The following ADCY8 variants were observed in gnomAD, a reference collection of about 807,000 sequenced individuals.
ADCY8 encodes the protein adenylate cyclase type 8.
A neutral mutation model predicts 119.7 loss-of-function variants in ADCY8; 51 were observed. The observed-to-expected ratio is 0.43, with a 90% CI of 0.34 to 0.54. The LOEUF is 0.54. Ranked by LOEUF, ADCY8 falls within the 20% of genes least tolerant of loss-of-function variation. The pLI is 0.03. For synonymous variants in ADCY8, 665 were observed against 651.0 expected, an observed-to-expected ratio of 1.02 and a Z score of -0.33; for missense variants, 1,383 against 1,598.8, an observed-to-expected ratio of 0.87 and a Z score of 2.30.
intron 15 of ADCY8, among the ~76,000 whole-genome samples, chr8:130,794,220 A>G (rs1586419072): frequency 6.6e-6 from 1 of 152,228 alleles, no homozygotes; most frequent in East Asian, 1.9e-4. Flanking sequence ...GAATTGTGAA[A>G]GAATGCATTC....
chr8:130,825,585 C>A (rs1816645619), intron 12 of ADCY8, among the ~76,000 whole-genome samples: 1 of 152,140 alleles, frequency 6.6e-6, no homozygotes, highest in African/African-American at 2.4e-5. Flanking sequence ...CCATCATAAA[C>A]CTGGAAAAGT....
intron 15 of ADCY8, among the ~76,000 whole-genome samples, chr8:130,786,366 G>A (rs1815248835): frequency 1.3e-5 from 2 of 152,184 alleles, no homozygotes; most frequent in South Asian, 4.1e-4. Flanking sequence ...AAACCTTGGT[G>A]TCTTATTTAG....
chr8:131,008,012 A>G (rs1337189973), intron 1 of ADCY8, among the ~76,000 whole-genome samples: 5 of 152,190 alleles, frequency 3.3e-5, no homozygotes, highest in Non-Finnish European at 5.9e-5. Context: ...TGCTACTATT[A>G]TTATTAGGGT....
intron 6 of ADCY8, among the ~76,000 whole-genome samples, chr8:130,906,625 T>C (rs1482986623): frequency 1.3e-5 from 2 of 152,078 alleles, no homozygotes; most frequent in Non-Finnish European, 2.9e-5. Flanking sequence ...CATTTGCAGA[T>C]GAGATTCTGA....
intron 6 of ADCY8, among the ~76,000 whole-genome samples, chr8:130,907,818 T>C (rs978400700): frequency 6.6e-6 from 1 of 151,744 alleles, no homozygotes; most frequent in Admixed American, 6.6e-5. Flanking sequence ...GATGCTGAGG[T>C]TCGGGGTAAG....
intron 1 of ADCY8, among the ~76,000 whole-genome samples, chr8:131,005,289 A>G (rs1823079256): frequency 6.6e-6 from 1 of 152,212 alleles, no homozygotes; most frequent in African/African-American, 2.4e-5. Flanking sequence ...TATTTGCCTG[A>G]TACACAGTAA....
At chr8:130,893,595 A>G (rs1260578067) in intron 7 of ADCY8, among the ~76,000 whole-genome samples, 1 of 151,696 alleles carries the variant, frequency 6.6e-6, no homozygotes, top group Admixed American at 6.6e-5. Flanking sequence ...AAGTTACTCC[A>G]TTTTCTTGTG....
chr8:130,952,746 C>A (rs947155354), intron 2 of ADCY8, among the ~76,000 whole-genome samples: 6 of 152,264 alleles, frequency 3.9e-5, no homozygotes, highest in Admixed American at 3.3e-4. Flanking sequence ...GTGGGGGAAG[C>A]TCCTGGAGTG....
At chr8:131,002,469 A>G (rs1215741516) in intron 1 of ADCY8, among the ~76,000 whole-genome samples, 3 of 152,232 alleles carry the variant, frequency 2.0e-5, no homozygotes, top group African/African-American at 7.2e-5. Context: ...GAGGAAGGAC[A>G]AACAGTTCCC....
chr8:131,034,838 T>C (rs533308554), intron 1 of ADCY8, among the ~76,000 whole-genome samples: 1 of 152,186 alleles, frequency 6.6e-6, no homozygotes, highest in Non-Finnish European at 1.5e-5. Flanking sequence ...TAAATATTGC[T>C]GCCTCTCAGT....
At chr8:130,921,929 A>G (rs1253372328) in intron 5 of ADCY8, among the ~76,000 whole-genome samples, 1 of 152,182 alleles carries the variant, frequency 6.6e-6, no homozygotes, top group Non-Finnish European at 1.5e-5. Context: ...ATTGGATCAT[A>G]AGGGATCTGC....
intron 2 of ADCY8, among the ~76,000 whole-genome samples, chr8:130,973,442 G>T (rs963385839): frequency 3.9e-5 from 6 of 152,322 alleles, no homozygotes; most frequent in Non-Finnish European, 7.3e-5. Flanking sequence ...GCACTAGCTT[G>T]CTGGAGGATG....
At chr8:130,847,955 A>G (rs1817384575) in intron 10 of ADCY8, among the ~76,000 whole-genome samples, 1 of 152,186 alleles carries the variant, frequency 6.6e-6, no homozygotes, top group Admixed American at 6.5e-5. Context: ...GGTGATGGGC[A>G]TTTCCTAGGA....
intron 8 of ADCY8, among the ~76,000 whole-genome samples, chr8:130,880,736 A>C (rs1196162353): frequency 1.3e-5 from 2 of 152,186 alleles, no homozygotes; most frequent in East Asian, 3.9e-4. Flanking sequence ...GGGTCACATG[A>C]CTTGTTACAT....
intron 1 of ADCY8, among the ~76,000 whole-genome samples, chr8:131,033,291 A>G (rs573276915): frequency 6.6e-6 from 1 of 152,354 alleles, no homozygotes; most frequent in South Asian, 2.1e-4. Context: ...GCATGATTGT[A>G]GTAGTGTCCT....
chr8:130,868,259 C>A (rs1818198228), intron 8 of ADCY8, among the ~76,000 whole-genome samples: 1 of 152,160 alleles, frequency 6.6e-6, no homozygotes, highest in Admixed American at 6.6e-5. Context: ...TTTGCATTGA[C>A]TTTCTTCATG....
At chr8:131,033,769 AG>A (rs1302441857) in intron 1 of ADCY8, among the ~76,000 whole-genome samples, 2 of 151,458 alleles carry the variant, frequency 1.3e-5, no homozygotes, top group Non-Finnish European at 3.0e-5. Context: ...CATACACAAA[AG>A]CACACACACA....
intron 9 of ADCY8, among the ~76,000 whole-genome samples, chr8:130,855,504 C>T (rs911088210): frequency 6.6e-6 from 1 of 152,110 alleles, no homozygotes; most frequent in Non-Finnish European, 1.5e-5. Context: ...TTATGACTAG[C>T]TGCTGGGTGA....
rs1176296076 is a variant in ADCY8 at position 131,040,305 on chromosome 8, G to A, written c.29C>T (p.Thr10Ile). Residue 10 changes from threonine (T) to isoleucine (I), a missense_variant, in exon 1 of 18, where the codon ACA becomes ATA. Coordinates refer to ENST00000286355, the MANE Select transcript of ADCY8 (RefSeq NM_001115.3). MELSDVRCL[T>I]GSEELYTIHP... is the part of the protein sequence containing the mutation. ...GATGGTGTAGAGTTCCTCGCTGCCT[G>A]TAAGGCAGCGCACATCGGAGAGCTC... 5 of 1,543,726 alleles carry A rather than the reference G, an allele frequency of 3.2e-6. No homozygotes were observed. Among genetic ancestry groups the A allele is most frequent in the Non-Finnish European group, 4.3e-6 (5 of 1,149,556 alleles).
Sources: allele counts gnomAD v4.1 joint callset (sites outside exome capture counted in the v4.1 genomes callset), GRCh38; gene constraint gnomAD v4.1.1; transcripts MANE v1.5; gene names NCBI Gene and HGNC (gene_info 2026-07-23, HGNC 2026-07-21).